Variants in ROBO2 observed in about 807,000 individuals in gnomAD.
ROBO2 encodes roundabout guidance receptor 2.
A neutral mutation model predicts 160.8 loss-of-function variants in ROBO2; 53 were observed. The ratio of observed to expected loss-of-function variants is 0.33; its 90% CI spans 0.26 to 0.41. The LOEUF is 0.41. ROBO2 is among the 10% of genes least tolerant of loss of function. The pLI is 1.00. For synonymous variants in ROBO2, 664 were observed against 611.7 expected (o/e 1.09, Z -1.26); for missense variants, 1,577 against 1,722.4 (o/e 0.92, Z 1.49).
chr3:77,087,792 G>A (rs545281183), intron 1 of ROBO2, among the ~76,000 whole-genome samples: 12 of 151,610 alleles, frequency 7.9e-5, no homozygotes, highest in African/African-American at 2.9e-4. Flanking sequence ...ATATATGTAT[G>A]TATTCATCAT....
intron 2 of ROBO2, among the ~76,000 whole-genome samples, chr3:76,775,915 CTATTTATGAGT>C (rs2062222433): frequency 6.6e-6 from 1 of 150,680 alleles, no homozygotes; most frequent in South Asian, 2.1e-4. Context: ...TGTGTATTGT[CTATTTATGAGT>C]TTAAAAGGAT....
chr3:76,565,583 T>C (rs2084466735), intron 2 of ROBO2, among the ~76,000 whole-genome samples: 1 of 152,204 alleles, frequency 6.6e-6, no homozygotes, highest in Non-Finnish European at 1.5e-5. Context: ...ACTTGTGGAT[T>C]TGCATTTAAA....
rs147918979 is a variant in ROBO2 at position 77,355,835 on chromosome 3, G to C, written c.389-121579G>C. ...AATCAAAACTGTAAAAGTAGTGTCA[G>C]CCAGGGAGAAACATTAATAGCATAT... On this transcript the variant is annotated intron_variant, in intron 2 of 25. Coordinates refer to ENST00000461745, the Ensembl canonical transcript of ROBO2. Among the ~76,000 whole-genome samples, 11 of 151,892 alleles carry C rather than the reference G, an allele frequency of 7.2e-5. No homozygotes were observed. The East Asian group carries it at 2.1e-3, about 29-fold the overall frequency.
At chr3:76,871,016 GAAC>G (rs1161848300) in intron 2 of ROBO2, among the ~76,000 whole-genome samples, 6 of 152,058 alleles carry the variant, frequency 3.9e-5, no homozygotes, top group African/African-American at 1.4e-4. Context: ...TAGAGACAAC[GAAC>G]AACAATGATA....
At chr3:76,540,757 TTTG>T (rs946740646) in intron 2 of ROBO2, among the ~76,000 whole-genome samples, 38 of 152,018 alleles carry the variant, frequency 2.5e-4, no homozygotes, top group African/African-American at 8.7e-4. Flanking sequence ...AAAAGAAAAG[TTTG>T]TTATTTTTAA....
chr3:76,518,841 C>T (rs1460813495), intron 2 of ROBO2, among the ~76,000 whole-genome samples: 2 of 152,146 alleles, frequency 1.3e-5, no homozygotes, highest in Non-Finnish European at 2.9e-5. Context: ...TAATTAGAAG[C>T]TAAAGTCAGT....
At chr3:77,529,766 G>A (rs963985461) in intron 6 of ROBO2, among the ~76,000 whole-genome samples, 11 of 151,842 alleles carry the variant, frequency 7.2e-5, no homozygotes, top group African/African-American at 2.7e-4. Flanking sequence ...TTCTGGGGAA[G>A]TCTGTCATTT....
At chr3:76,405,825 A>T (rs1218013857) in intron 2 of ROBO2, among the ~76,000 whole-genome samples, 1 of 151,754 alleles carries the variant, frequency 6.6e-6, no homozygotes, top group East Asian at 1.9e-4. Context: ...TTGCTTTGCC[A>T]GGTGGTGCAT....
intron 2 of ROBO2, among the ~76,000 whole-genome samples, chr3:76,883,752 C>T (rs1289250490): frequency 6.6e-6 from 1 of 152,132 alleles, no homozygotes; most frequent in Non-Finnish European, 1.5e-5. Flanking sequence ...GCAATGGTTT[C>T]CTAAAACTGG....
intron 2 of ROBO2, among the ~76,000 whole-genome samples, chr3:76,891,470 T>C (rs1168325921): frequency 6.6e-6 from 1 of 152,202 alleles, no homozygotes; most frequent in African/African-American, 2.4e-5. Context: ...CGTGGATCTA[T>C]TGGTTTTTCC....
At chr3:77,220,739 C>T (rs1344527482) in intron 2 of ROBO2, among the ~76,000 whole-genome samples, 1 of 152,022 alleles carries the variant, frequency 6.6e-6, no homozygotes, top group African/African-American at 2.4e-5. Context: ...TCATCTGACT[C>T]ATGAAGAGAG....
At chr3:76,680,289 A>C (rs1488572850) in intron 2 of ROBO2, among the ~76,000 whole-genome samples, 5 of 150,332 alleles carry the variant, frequency 3.3e-5, no homozygotes, top group Non-Finnish European at 3.0e-5. Context: ...ATTTTAGAAC[A>C]TTTTTTGTTT....
chr3:76,903,074 A>G (rs1322633651), intron 2 of ROBO2, among the ~76,000 whole-genome samples: 2 of 152,026 alleles, frequency 1.3e-5, no homozygotes, highest in African/African-American at 2.4e-5. Flanking sequence ...GATTTTCTTA[A>G]CATGTATTAA....
chr3:77,153,597 CAAT>C (rs1005314172), intron 2 of ROBO2, among the ~76,000 whole-genome samples: 3 of 152,140 alleles, frequency 2.0e-5, no homozygotes, highest in African/African-American at 7.2e-5. Flanking sequence ...TGATCACATG[CAAT>C]AATGAGAGGA....
chr3:76,647,306 C>A lies in ROBO2; in HGVS notation c.110-450708C>A, dbSNP rs1240072806. On this transcript the variant is annotated intron_variant, in intron 2 of 26. Transcript: ENST00000487694. ...TTTCCGTGGTTCAAATGAAGAAGTT[C>A]CCAAGAATTGTACAGACAAAGCCCT... Among the ~76,000 whole-genome samples, 6 of 152,234 alleles carry A rather than the reference C, an allele frequency of 3.9e-5. No individual in the cohort carries two copies. In the South Asian group the frequency reaches 6.2e-4, roughly 16 times the overall value.
intron 15 of ROBO2, among the ~76,000 whole-genome samples, 199 bp downstream of exon 16, chr3:77,577,813 C>T (rs1044155738): frequency 3.9e-5 from 6 of 151,916 alleles, no homozygotes; most frequent in African/African-American, 1.5e-4. Flanking sequence ...TCACACAAAC[C>T]CAGTTGAACA....
rs192334753 is a variant in ROBO2, at chr3:76,373,617, T to C, written c.109+436015T>C. ...CCAGCGACTATGACTTGTTCACTTC[T>C]GTATTTCCAGTTCTTAATACAATGG... On this transcript the variant is annotated intron_variant, in intron 2 of 26. Transcript: ENST00000487694. Among the ~76,000 whole-genome samples the C allele has an allele frequency of 1.7e-3, 256 of 152,136 alleles. 1 individual carries two copies. Among genetic ancestry groups the C allele is most frequent in the African/African-American group, 6.0e-3 (248 of 41,550 alleles).
rs534266540 is a variant in ROBO2 at position 76,627,252 on chromosome 3, A to C, written c.110-470762A>C. On this transcript the variant is annotated intron_variant, in intron 2 of 26. Coordinates refer to the ROBO2 transcript ENST00000487694. ...TGGGGCTTAATTTTACTCTCTCTAC[A>C]CTGTAACCTCACCCTCTACATTGGA... Among the ~76,000 whole-genome samples, 9 of 152,184 alleles carry C rather than the reference A, an allele frequency of 5.9e-5. No homozygotes were observed. The South Asian group carries it at 1.9e-3, about 32-fold the overall frequency.
intron 2 of ROBO2, among the ~76,000 whole-genome samples, chr3:76,992,080 T>C (rs2060696811): frequency 1.3e-5 from 2 of 151,990 alleles, no homozygotes; most frequent in Admixed American, 1.3e-4. Context: ...ACATAGACCT[T>C]GTTCCAAGAA....
Sources: allele counts gnomAD v4.1 joint callset (sites outside exome capture counted in the v4.1 genomes callset), GRCh38; gene constraint gnomAD v4.1.1; transcripts MANE v1.5; gene names NCBI Gene and HGNC (gene_info 2026-07-23, HGNC 2026-07-21).